The following CDH6 variants were observed in gnomAD, a reference collection of about 807,000 sequenced individuals.
The protein encoded by CDH6 is cadherin-6.
Under a neutral mutation model 78.0 loss-of-function variants are expected in CDH6, and 31 were observed. The ratio of observed to expected loss-of-function variants is 0.40; its 90% CI spans 0.30 to 0.54. The LOEUF is 0.54. Ranked by LOEUF, CDH6 falls within the 20% of genes least tolerant of loss-of-function variation. The pLI, the probability that CDH6 is intolerant of heterozygous loss-of-function variation, is 0.56. For missense variants in CDH6, 724 were observed against 975.9 expected, an observed-to-expected ratio of 0.74 and a Z score of 3.44; for synonymous variants, 376 against 368.8, an observed-to-expected ratio of 1.02 and a Z score of -0.23.
chr5:31,211,415 T>C (rs1194778062), intron 1 of CDH6, among the ~76,000 whole-genome samples: 1 of 151,900 alleles, frequency 6.6e-6, no homozygotes, highest in Non-Finnish European at 1.5e-5. Context: ...AAAAATGTTC[T>C]TCAAAAATAG....
chr5:31,329,142 TC>T lies in CDH6; in HGVS notation c.*5835del, dbSNP rs1190911915. ...ATATTACTTAATAAACTGGTTTTTTTCTAACTTGCTTTTTTTTCAATTCTCT... is the reference window on the plus strand; with the variant it reads ...ATATTACTTAATAAACTGGTTTTTTTTAACTTGCTTTTTTTTCAATTCTCT... On this transcript the variant is annotated 3_prime_UTR_variant, in exon 12 of 12. Coordinates refer to ENST00000265071, the MANE Select transcript of CDH6 (RefSeq NM_004932.4). The T allele has an allele frequency of 2.1e-5, 4 of 187,384 alleles. 1 individual carries two copies. In the South Asian group the frequency reaches 7.8e-4, roughly 37 times the overall value. The allele number at this position is 187,384 out of a possible 1,614,324, so 11.6% of individuals were successfully genotyped here. A position where few individuals can be genotyped will look rare whatever the true frequency, so the allele number is the denominator to read the frequency against.
At chr5:31,242,786 C>T (rs1187303677) in intron 1 of CDH6, among the ~76,000 whole-genome samples, 1 of 150,780 alleles carries the variant, frequency 6.6e-6, no homozygotes, top group Non-Finnish European at 1.5e-5. Flanking sequence ...CTTTGAGAGG[C>T]TGAGGTGGGA....
At chr5:31,281,345 T>G (rs1478662005) in intron 2 of CDH6, among the ~76,000 whole-genome samples, 1 of 141,412 alleles carries the variant, frequency 7.1e-6, no homozygotes, top group Non-Finnish European at 1.5e-5. Flanking sequence ...GGGGAGTGTG[T>G]GTGGGGGGTG....
intron 6 of CDH6, among the ~76,000 whole-genome samples, chr5:31,303,706 A>C (rs1737896043): frequency 6.6e-6 from 1 of 152,206 alleles, no homozygotes; most frequent in Non-Finnish European, 1.5e-5. Context: ...TTAGCATACT[A>C]TAATCTTTTC....
intron 1 of CDH6, among the ~76,000 whole-genome samples, chr5:31,208,289 G>A (rs1381630048): frequency 6.6e-6 from 1 of 152,178 alleles, no homozygotes; most frequent in African/African-American, 2.4e-5. Context: ...TATGCCCTGG[G>A]CTTAGATTTG....
At chr5:31,311,742 A>T (rs1394528663) in intron 7 of CDH6, among the ~76,000 whole-genome samples, 1 of 152,158 alleles carries the variant, frequency 6.6e-6, no homozygotes, top group Non-Finnish European at 1.5e-5. Flanking sequence ...AAACCATCAG[A>T]TCTCATGAGA....
chr5:31,328,690 T>TA lies in CDH6; in HGVS notation c.*5387dup. The TA allele has an allele frequency of 4.7e-6, 1 of 211,072 alleles. No individual in the cohort carries two copies. The allele number at this position is 211,072 out of a possible 1,614,324, so 13.1% of individuals were successfully genotyped here. On this transcript the variant is annotated 3_prime_UTR_variant, in exon 12 of 12. Coordinates refer to ENST00000265071, the MANE Select transcript of CDH6 (RefSeq NM_004932.4). ...CTTTTTGGTATTGATTGTTTTTAAT[T>TA]AAAAATACTTCCAAGTATAAATTGA...
At chr5:31,295,223 C>T (rs1355040250) in intron 3 of CDH6, among the ~76,000 whole-genome samples, 5 of 152,126 alleles carry the variant, frequency 3.3e-5, no homozygotes, top group Admixed American at 6.6e-5. Flanking sequence ...AAATTGCAAG[C>T]CTCACAAAGC....
At chr5:31,200,501 A>C (rs901369640) in intron 1 of CDH6, among the ~76,000 whole-genome samples, 1 of 151,702 alleles carries the variant, frequency 6.6e-6, no homozygotes, top group Non-Finnish European at 1.5e-5. Flanking sequence ...TTATTTTGTT[A>C]CTTCATTACT....
At chr5:31,200,567 T>C (rs904438401) in intron 1 of CDH6, among the ~76,000 whole-genome samples, 8 of 144,368 alleles carry the variant, frequency 5.5e-5, no homozygotes, top group African/African-American at 1.5e-4. Context: ...CACACATACA[T>C]ACACACACAC....
At chr5:31,251,151 A>G (rs530501659) in intron 1 of CDH6, 1 of 152,354 alleles carries the variant, frequency 6.6e-6, no homozygotes, top group South Asian at 2.1e-4. Flanking sequence ...ATGCGAGAAA[A>G]AGCACCAAAC....
chr5:31,211,767 G>A (rs1740713054), intron 1 of CDH6, among the ~76,000 whole-genome samples: 1 of 152,080 alleles, frequency 6.6e-6, no homozygotes, highest in African/African-American at 2.4e-5. Context: ...TCTTGATCTT[G>A]TTTGTATTCC....
At chr5:31,215,857 G>A (rs1027201525) in intron 1 of CDH6, among the ~76,000 whole-genome samples, 1 of 152,102 alleles carries the variant, frequency 6.6e-6, no homozygotes, top group Non-Finnish European at 1.5e-5. Flanking sequence ...ATCAAACCTG[G>A]ATTATCCAAT....
chr5:31,323,052 C>T lies in CDH6; in HGVS notation c.2117C>T (p.Ala706Val). 2 of 1,614,162 alleles carry T rather than the reference C, an allele frequency of 1.2e-6. No homozygotes were observed. ...ALFLPRRTPTARDNTDVRDFI... is the reference protein window; with the variant it reads ...ALFLPRRTPTVRDNTDVRDFI... ...TTCCTACCCCGACGGACTCCAACAG[C>T]TCGCGACAACACCGATGTCAGAGAT... is the stretch of plus-strand genomic sequence containing the variant. The change falls in exon 12 of 12, where the codon GCT becomes GTT. Residue 706 changes from alanine (A) to valine (V), a missense_variant. Physicochemically the swap from Ala to Val is moderately conservative, Grantham distance 64 (BLOSUM62 0). This residue lies in a region of CDH6 where 220 missense variants were observed against 240.6 expected (regional missense o/e 0.91). Transcript: ENST00000265071.
At chr5:31,226,021 T>G (rs1169359026) in intron 1 of CDH6, among the ~76,000 whole-genome samples, 3 of 152,104 alleles carry the variant, frequency 2.0e-5, no homozygotes, top group Non-Finnish European at 4.4e-5. Context: ...CCTGCCCTGG[T>G]CCTTTGCTGC....
intron 1 of CDH6, among the ~76,000 whole-genome samples, chr5:31,215,592 T>C (rs1740839992): frequency 6.6e-6 from 1 of 152,168 alleles, no homozygotes; most frequent in Admixed American, 6.5e-5. Context: ...TCTTTTTTTT[T>C]CTCATTGTGG....
At chr5:31,254,446 T>G (rs1041839589) in intron 1 of CDH6, among the ~76,000 whole-genome samples, 4 of 152,222 alleles carry the variant, frequency 2.6e-5, no homozygotes, top group Non-Finnish European at 4.4e-5. Flanking sequence ...GTGCTAGTTT[T>G]GCTGTCTCAT....
At chr5:31,225,763 GAC>G (rs2111840827) in intron 1 of CDH6, among the ~76,000 whole-genome samples, 1 of 152,254 alleles carries the variant, frequency 6.6e-6, no homozygotes, top group East Asian at 1.9e-4. Context: ...TTTGGGTGGG[GAC>G]ACAGAGCCAA....
intron 1 of CDH6, among the ~76,000 whole-genome samples, chr5:31,222,428 G>A (rs933025701): frequency 1.3e-5 from 2 of 152,006 alleles, no homozygotes; most frequent in South Asian, 4.1e-4. Flanking sequence ...CAAATTTTAT[G>A]CATTTTACAT....
Sources: gnomAD v4.1 joint callset for allele counts (sites outside exome capture counted in the v4.1 genomes callset) on GRCh38, gnomAD v4.1.1 for gene constraint, gnomAD v4.1.1 regional missense constraint, MANE v1.5 for transcripts, NCBI Gene and HGNC (gene_info 2026-07-23, HGNC 2026-07-21) for gene names.